RASAL2: variants seen among roughly 807,000 people sequenced by gnomAD.
The protein encoded by RASAL2 is ras GTPase-activating protein nGAP.
In RASAL2, 58 loss-of-function variants were observed where a neutral mutation model predicts 128.9. The ratio of observed to expected loss-of-function variants is 0.45; its 90% CI spans 0.36 to 0.56. RASAL2 has a LOEUF of 0.56. RASAL2 is among the 20% of genes least tolerant of loss of function. RASAL2 has a pLI of 0.00. For missense variants in RASAL2, 1,360 were observed against 1,601.6 expected (o/e 0.85, Z 2.57); for synonymous variants, 561 against 580.8 (o/e 0.97, Z 0.49).
intron 1 of RASAL2, among the ~76,000 whole-genome samples, chr1:178,149,560 T>G (rs1660841284): frequency 6.6e-6 from 1 of 152,016 alleles, no homozygotes; most frequent in Admixed American, 6.6e-5. Flanking sequence ...TTCCATATTG[T>G]GCATTAATTT....
intron 1 of RASAL2, among the ~76,000 whole-genome samples, chr1:178,137,564 A>G (rs1436177518): frequency 6.6e-6 from 1 of 152,164 alleles, no homozygotes; most frequent in African/African-American, 2.4e-5. Context: ...AGAGAAGTCT[A>G]TTGCCTATGC....
intron 2 of RASAL2, among the ~76,000 whole-genome samples, chr1:178,291,258 A>C (rs1177546127): frequency 6.6e-6 from 1 of 152,228 alleles, no homozygotes; most frequent in Non-Finnish European, 1.5e-5. Context: ...AGTGATAGCT[A>C]GCAAGAACTA....
At chr1:178,421,379 A>G (rs1244453528) in intron 5 of RASAL2, among the ~76,000 whole-genome samples, 2 of 152,156 alleles carry the variant, frequency 1.3e-5, no homozygotes, top group Non-Finnish European at 2.9e-5. Context: ...ATAATGTTCA[A>G]AATTTTGGAA....
chr1:178,171,351 G>A (rs948544624), intron 1 of RASAL2, among the ~76,000 whole-genome samples: 1 of 151,904 alleles, frequency 6.6e-6, no homozygotes, highest in East Asian at 1.9e-4. Flanking sequence ...TGTAAACAGA[G>A]TAAAGGCTAA....
chr1:178,184,636 ATG>A (rs1407203426), intron 1 of RASAL2, among the ~76,000 whole-genome samples: 1 of 152,126 alleles, frequency 6.6e-6, no homozygotes, highest in Middle Eastern at 3.4e-3. Context: ...AACTATATAA[ATG>A]TGTGTCTTTT....
In RASAL2 at chr1:178,390,097, C is replaced by T. The variant is rs1672806646; in HGVS notation, c.458-3C>T. The T allele has an allele frequency of 5.0e-6, 8 of 1,584,504 alleles. No homozygotes were observed. The highest frequency in any genetic ancestry group is 6.8e-6 in the Non-Finnish European group (8 of 1,168,546). On this transcript the variant is annotated splice_region_variant and splice_polypyrimidine_tract_variant and intron_variant, in intron 3 of 17. Transcript: ENST00000367649. ...ATGTTTCAACTTTCCTCCTTTTTTC[C>T]AGAGGTACCAGCAGAAAGGTCCCCT...
At chr1:178,469,170 G>T (rs948744081) in intron 17 of RASAL2, among the ~76,000 whole-genome samples, 1 of 152,224 alleles carries the variant, frequency 6.6e-6, no homozygotes, top group Admixed American at 6.5e-5. Flanking sequence ...GGTGGCTCAT[G>T]CCTGTAGTCC....
chr1:178,200,789 T>C (rs1169490230), intron 1 of RASAL2, among the ~76,000 whole-genome samples: 6 of 152,166 alleles, frequency 3.9e-5, no homozygotes, highest in Admixed American at 3.9e-4. Flanking sequence ...GACACTGAGC[T>C]TGTAAACTCT....
chr1:178,417,640 T>A (rs1351929081), intron 4 of RASAL2, among the ~76,000 whole-genome samples: 1 of 151,360 alleles, frequency 6.6e-6, no homozygotes, highest in East Asian at 2.0e-4. Context: ...CCAACTGTAA[T>A]CCCAGCTACT....
chr1:178,345,247 A>C (rs1310764175), intron 3 of RASAL2, among the ~76,000 whole-genome samples: 2 of 152,186 alleles, frequency 1.3e-5, no homozygotes, highest in Non-Finnish European at 2.9e-5. Context: ...TTGCTGAAAA[A>C]CACCTTGAAA....
rs1553260491 is a variant in RASAL2, at chr1:178,219,647, A to AT, written c.203-63917_203-63916insT. Among the ~76,000 whole-genome samples the AT allele has an allele frequency of 5.5e-5, 8 of 146,108 alleles. 1 individual carries two copies. Among genetic ancestry groups the AT allele is most frequent in the African/African-American group, 1.9e-4 (7 of 36,822 alleles). On this transcript the variant is annotated intron_variant, in intron 1 of 17. Coordinates refer to ENST00000367649, the MANE Select transcript of RASAL2 (RefSeq NM_170692.4). Reference sequence around the variant, plus strand: ...TCTGCCTCAGGAAAAAAAAAAAAAAAGAAAGAAAGAAAGAAAGAAAAATAA... The same window carrying AT: ...TCTGCCTCAGGAAAAAAAAAAAAAAATGAAAGAAAGAAAGAAAGAAAAATAA...
chr1:178,381,358 G>A (rs968717203), intron 3 of RASAL2, among the ~76,000 whole-genome samples: 1 of 152,116 alleles, frequency 6.6e-6, no homozygotes, highest in African/African-American at 2.4e-5. Flanking sequence ...ATGGTGGATG[G>A]TAGTGGAAAT....
intron 1 of RASAL2, among the ~76,000 whole-genome samples, chr1:178,232,372 G>A (rs1346089196): frequency 6.6e-6 from 1 of 152,148 alleles, no homozygotes; most frequent in East Asian, 1.9e-4. Context: ...TGGTTAAACA[G>A]ATAGGGAATA....
chr1:178,442,364 C>T (rs1039098961), intron 7 of RASAL2, among the ~76,000 whole-genome samples: 1 of 152,100 alleles, frequency 6.6e-6, no homozygotes, highest in African/African-American at 2.4e-5. Flanking sequence ...AACAGCTTAT[C>T]TCTTTTATTT....
At chr1:178,306,397 C>A (rs1413756821) in intron 3 of RASAL2, among the ~76,000 whole-genome samples, 7 of 152,222 alleles carry the variant, frequency 4.6e-5, no homozygotes, top group South Asian at 2.1e-4. Flanking sequence ...ATTTATAGTC[C>A]TTTGGGTATA....
intron 1 of RASAL2, among the ~76,000 whole-genome samples, chr1:178,163,305 A>C (rs1661399877): frequency 1.3e-5 from 2 of 152,098 alleles, no homozygotes; most frequent in African/African-American, 4.8e-5. Flanking sequence ...GATATATTTT[A>C]AATTTTTATG....
intron 4 of RASAL2, among the ~76,000 whole-genome samples, chr1:178,393,295 A>G (rs1244773041): frequency 6.6e-6 from 1 of 152,190 alleles, no homozygotes; most frequent in Admixed American, 6.5e-5. Flanking sequence ...ATAATGTAGA[A>G]TCACTGGGAA....
intron 2 of RASAL2, among the ~76,000 whole-genome samples, chr1:178,295,045 A>G (rs1667430523): frequency 6.6e-6 from 1 of 152,202 alleles, no homozygotes; most frequent in Admixed American, 6.5e-5. Context: ...CTGAGATACC[A>G]GAAAGATACC....
Position 178,363,224 on chromosome 1 carries a change from T to C in RASAL2, c.458-26876T>C, listed in dbSNP as rs185371661. Among the ~76,000 whole-genome samples the C allele has an allele frequency of 2.4e-3, 364 of 152,266 alleles. 3 individuals carry two copies. Among genetic ancestry groups the C allele is most frequent in the South Asian group, 7.1e-3 (34 of 4,816 alleles). Reference sequence around the variant, plus strand: ...CCATCCTAAAAGGGGTGAGGTGATATCTTATTGTGGTTTTGATTTTCATTT... The same window carrying C: ...CCATCCTAAAAGGGGTGAGGTGATACCTTATTGTGGTTTTGATTTTCATTT... On this transcript the variant is annotated intron_variant, in intron 3 of 17. Transcript: ENST00000367649.
Sources: gnomAD v4.1 joint callset for allele counts (sites outside exome capture counted in the v4.1 genomes callset) on GRCh38, gnomAD v4.1.1 for gene constraint, MANE v1.5 for transcripts, NCBI Gene and HGNC (gene_info 2026-07-23, HGNC 2026-07-21) for gene names.